FRZB: variants seen among roughly 807,000 people sequenced by gnomAD.
FRZB encodes secreted frizzled-related protein 3.
A neutral mutation model predicts 32.5 loss-of-function variants in FRZB; 34 were observed. That is an observed-to-expected ratio of 1.05 (90% CI 0.80 to 1.39). The LOEUF (loss-of-function observed/expected upper bound fraction) is 1.39, where lower values mean the gene tolerates loss of function less well. Ranked by LOEUF, FRZB falls within the 40% of genes most tolerant of loss-of-function variation. The pLI is 0.00. For synonymous variants in FRZB, 170 were observed against 159.2 expected (o/e 1.07, Z -0.51); for missense variants, 423 against 424.8 (o/e 1.00, Z 0.04).
intron 2 of FRZB, among the ~76,000 whole-genome samples, chr2:182,845,308 T>C (rs1695628027): frequency 6.6e-6 from 1 of 152,224 alleles, no homozygotes; most frequent in Admixed American, 6.5e-5. Flanking sequence ...TGTAACAGTT[T>C]ATTTTTATTA....
intron 1 of FRZB, among the ~76,000 whole-genome samples, chr2:182,864,236 CT>C (rs1695865941): frequency 6.6e-6 from 1 of 152,126 alleles, no homozygotes; most frequent in South Asian, 2.1e-4. Context: ...AGCCATTAAC[CT>C]TGCCAAACCT....
At position 182,833,914 on chromosome 2, in the gene FRZB, G is replaced by A. The variant is rs921939917; in HGVS notation, c.*935C>T. The A allele has an allele frequency of 5.3e-5, 8 of 151,954 alleles. No individual in the cohort carries two copies. The highest frequency in any genetic ancestry group is 1.9e-4 in the African/African-American group (8 of 41,376). The allele number at this position is 151,954 out of a possible 1,614,324, so 9.4% of individuals were successfully genotyped here. A position where few individuals can be genotyped will look rare whatever the true frequency, so the allele number is the denominator to read the frequency against. ...ATCTACAGCATTTTTATGGAGCCATGTACTTTTAAAAACTAACCCTGGTGC... is the reference window on the plus strand; with the variant it reads ...ATCTACAGCATTTTTATGGAGCCATATACTTTTAAAAACTAACCCTGGTGC... On this transcript the variant is annotated 3_prime_UTR_variant, in exon 6 of 6. Coordinates refer to ENST00000295113, the MANE Select transcript of FRZB (RefSeq NM_001463.4).
intron 2 of FRZB, among the ~76,000 whole-genome samples, chr2:182,857,597 A>G (rs1695783894): frequency 6.6e-6 from 1 of 151,342 alleles, no homozygotes; most frequent in East Asian, 1.9e-4. Flanking sequence ...AGCCTGGGCA[A>G]CAGAGCAAGA....
intron 2 of FRZB, among the ~76,000 whole-genome samples, chr2:182,854,193 T>C (rs1439132543): frequency 6.6e-6 from 1 of 152,174 alleles, no homozygotes; most frequent in African/African-American, 2.4e-5. Context: ...ATGTTACATA[T>C]CTTGGTTGCA....
intron 2 of FRZB, among the ~76,000 whole-genome samples, chr2:182,851,319 ATACT>A (rs1695707998): frequency 6.6e-6 from 1 of 152,236 alleles, no homozygotes; most frequent in Admixed American, 6.5e-5. Flanking sequence ...ATGGTGTCAC[ATACT>A]TAAATGAGAA....
chr2:182,834,534 G>A lies in FRZB; in HGVS notation c.*315C>T, dbSNP rs756919820. On this transcript the variant is annotated 3_prime_UTR_variant, in exon 6 of 6. Transcript: ENST00000295113. ...GGGTGCAGAAAGTAAATTAACATCT[G>A]GAGACTCCAGCAAAGAGGCTCTGGT... The A allele has an allele frequency of 8.4e-5, 25 of 297,748 alleles. No individual in the cohort carries two copies. Among genetic ancestry groups the A allele is most frequent in the Admixed American group, 4.5e-5 (1 of 22,300 alleles). The allele number at this position is 297,748 out of a possible 1,614,324, so 18.4% of individuals were successfully genotyped here.
At chr2:182,865,900 T>A (rs914733870) in intron 1 of FRZB, among the ~76,000 whole-genome samples, 175 bp downstream of exon 1, 1 of 152,106 alleles carries the variant, frequency 6.6e-6, no homozygotes, top group Non-Finnish European at 1.5e-5. Context: ...GGTTTTTTTG[T>A]TTTTGTTTTT....
Position 182,866,515 on chromosome 2 carries a change from C to A in FRZB, c.38G>T (p.Arg13Leu). 6.7e-7 allele frequency: 1 copy of A among 1,495,246 alleles called. No homozygotes were observed. The highest frequency in any genetic ancestry group is 1.3e-5 in the South Asian group (1 of 76,826). 92.6% of individuals were successfully genotyped at this position (1,495,246 alleles called of 1,614,324 possible). A position where few individuals can be genotyped will look rare whatever the true frequency, so the allele number is the denominator to read the frequency against. Residue 13 changes from arginine (R) to leucine (L), a missense_variant, in exon 1 of 6, where the codon CGG (arginine) becomes CTG (leucine). Arg to Leu is a moderately radical substitution (Grantham distance 102). Coordinates refer to ENST00000295113, the MANE Select transcript of FRZB (RefSeq NM_001463.4). This position sits in a 1 kb window ranked among gnomAD's most constrained non-coding sequence, Gnocchi z 4.5. ...AGCAGCCAGGGCAAGCAGCCCGGCC[C>A]GCAGCAGCAGCATCCCTCCCGGGCT... ...CGSPGGMLLLRAGLLALAALC... is the reference protein window; with the variant it reads ...CGSPGGMLLLLAGLLALAALC...
At chr2:182,857,590 C>T (rs1695783837) in intron 2 of FRZB, among the ~76,000 whole-genome samples, 1 of 149,012 alleles carries the variant, frequency 6.7e-6, no homozygotes, top group African/African-American at 2.5e-5. Flanking sequence ...GCACTCCAGC[C>T]TGGGCAACAG....
intron 2 of FRZB, among the ~76,000 whole-genome samples, chr2:182,842,809 A>G (rs1256850088): frequency 1.3e-5 from 2 of 152,134 alleles, no homozygotes; most frequent in Admixed American, 6.5e-5. Flanking sequence ...GTTCACCCCC[A>G]TGCATGAGAA....
At position 182,834,546 on chromosome 2, in the gene FRZB, A is replaced by C. The variant is rs1464393638; in HGVS notation, c.*303T>G. On this transcript the variant is annotated 3_prime_UTR_variant, in exon 6 of 6. Coordinates refer to ENST00000295113, the MANE Select transcript of FRZB (RefSeq NM_001463.4). ...TAAATTAACATCTGGAGACTCCAGC[A>C]AAGAGGCTCTGGTAACAGCATGTTT... is the stretch of plus-strand genomic sequence containing the variant. 1 of 337,338 alleles carries C rather than the reference A, an allele frequency of 3.0e-6. No individual in the cohort carries two copies. Among genetic ancestry groups the C allele is most frequent in the East Asian group, 5.3e-5 (1 of 18,694 alleles). The allele number at this position is 337,338 out of a possible 1,614,324, so 20.9% of individuals were successfully genotyped here.
chr2:182,859,473 C>T (rs1450261868), intron 1 of FRZB, among the ~76,000 whole-genome samples: 1 of 152,090 alleles, frequency 6.6e-6, no homozygotes, highest in Non-Finnish European at 1.5e-5. Context: ...ATTAAGAAAG[C>T]AGCCTCTAAT....
At chr2:182,853,849 C>T (rs73040084) in intron 2 of FRZB, among the ~76,000 whole-genome samples, 6,152 of 152,218 alleles carry the variant, frequency 0.04, 330 homozygotes, top group African/African-American at 0.13. Context: ...TGGTACTCAT[C>T]GCAGCTATCA....
At chr2:182,865,944 T>C (rs1695884848) in intron 1 of FRZB, 131 bp downstream of exon 1, 3 of 705,450 alleles carry the variant, frequency 4.3e-6, no homozygotes, top group South Asian at 2.0e-5. Flanking sequence ...GGGTCTTTGA[T>C]AGAGGAGCAG....
Position 182,866,281 on chromosome 2 carries a change from A to T in FRZB, c.272T>A (p.Met91Lys). The stretch of plus-strand genomic sequence containing the variant: ...GTCAATGGTGCAGATGGGCGCGTAC[A>T]TGGCACAGAGGAAGAAGAGCAGATC... ...SPDLLFFLCA[M>K]YAPICTIDFQ... is the part of the protein sequence containing the mutation. Residue 91 changes from methionine to lysine, a missense_variant, in exon 1 of 6, where the codon ATG becomes AAG. By Grantham distance (95) the Met-to-Lys change is moderately conservative (BLOSUM62 -1). Transcript: ENST00000295113. The surrounding 1 kb of genome is among the most constrained non-coding windows in gnomAD (Gnocchi z 4.5). 1 of 1,614,222 alleles carries T rather than the reference A, an allele frequency of 6.2e-7. No homozygotes were observed. The highest frequency in any genetic ancestry group is 8.5e-7 in the Non-Finnish European group (1 of 1,180,042).
Position 182,837,926 on chromosome 2 carries a change from C to T in FRZB, c.861+22G>A, listed in dbSNP as rs1255616013. On this transcript the variant is annotated intron_variant, in intron 5 of 5. Coordinates refer to ENST00000295113, the MANE Select transcript of FRZB (RefSeq NM_001463.4). ...TTGTTTTGTTTTCTGTGTATTACTT[C>T]AAACATAAAATACAGGCTTACCTTA... The T allele has an allele frequency of 2.5e-6, 4 of 1,599,102 alleles. No homozygotes were observed. The Admixed American group carries it at 6.7e-5, about 27-fold the overall frequency.
In FRZB at chr2:182,834,670, GT is replaced by G. The variant is rs2105749803; in HGVS notation, c.*178del. 6.5e-6 allele frequency: 4 copies of G among 613,806 alleles called. No homozygotes were observed. In the East Asian group the frequency reaches 1.1e-4, roughly 17 times the overall value. The allele number at this position is 613,806 out of a possible 1,614,324, so 38.0% of individuals were successfully genotyped here. A position where few individuals can be genotyped will look rare whatever the true frequency, so the allele number is the denominator to read the frequency against. On this transcript the variant is annotated 3_prime_UTR_variant, in exon 6 of 6. Coordinates refer to ENST00000295113, the MANE Select transcript of FRZB (RefSeq NM_001463.4). ...TCTGCCCCCAAACCATTACAAAGGGGTTGAGAGAAGAGAGAAGCAGAAACCA... is the reference window on the plus strand; with the variant it reads ...TCTGCCCCCAAACCATTACAAAGGGGTGAGAGAAGAGAGAAGCAGAAACCA...
chr2:182,842,525 G>C lies in FRZB; in HGVS notation c.545C>G (p.Pro182Arg), dbSNP rs1411737214. 3.1e-6 allele frequency: 5 copies of C among 1,612,184 alleles called. No individual in the cohort carries two copies. The Middle Eastern group carries it at 6.6e-4, about 213-fold the overall frequency. Residue 182 changes from proline (P) to arginine (R), a missense_variant, in exon 3 of 6, where the codon CCT becomes CGT. Transcript: ENST00000295113. ...ATAGGTCTTCTGTGTAGCTCTAATA[G>C]GCTTACATTTACAGCGTTCTGAAAA... ...GASSERCKCK[P>R]IRATQKTYFR... is the part of the protein sequence containing the mutation.
intron 3 of FRZB, among the ~76,000 whole-genome samples, chr2:182,840,831 T>G (rs1446537773): frequency 6.6e-6 from 1 of 152,100 alleles, no homozygotes; most frequent in Non-Finnish European, 1.5e-5. Flanking sequence ...TTTCCATGAC[T>G]TGTCATTCAA....
Sources: gnomAD v4.1 joint callset for allele counts (sites outside exome capture counted in the v4.1 genomes callset) on GRCh38, gnomAD v4.1.1 for gene constraint, Gnocchi (gnomAD v3.1) non-coding constraint, MANE v1.5 for transcripts, NCBI Gene and HGNC (gene_info 2026-07-23, HGNC 2026-07-21) for gene names.